The following R3HDM2 variants were observed in gnomAD, a reference collection of about 807,000 sequenced individuals.
R3HDM2 encodes the protein R3H domain-containing protein 2.
Under a neutral mutation model 124.5 loss-of-function variants are expected in R3HDM2, and 38 were observed. That is an observed-to-expected ratio of 0.31 (90% CI 0.24 to 0.40). The LOEUF is 0.40. Among genes scored for constraint, R3HDM2 ranks in the 10% least tolerant of loss-of-function variants. The probability of loss-of-function intolerance (pLI) is 1.00; values close to 1 mark genes in which losing one functional copy is unlikely to be tolerated. For missense variants in R3HDM2, 869 were observed against 1,236.9 expected (o/e 0.70, Z 4.46); for synonymous variants, 391 against 448.0 (o/e 0.87, Z 1.61).
At chr12:57,264,519 C>A (rs1174395221) in intron 19 of R3HDM2, among the ~76,000 whole-genome samples, 1 of 151,578 alleles carries the variant, frequency 6.6e-6, no homozygotes, top group Non-Finnish European at 1.5e-5. Flanking sequence ...TTGCAGTGAG[C>A]CGAGATTGCA....
In R3HDM2 at chr12:57,257,931, T is replaced by C. The variant is rs969936708; in HGVS notation, c.2449+59A>G. On this transcript the variant is annotated intron_variant, in intron 21 of 23. Coordinates refer to ENST00000402412, the MANE Select transcript of R3HDM2 (RefSeq NM_001394031.1). ...GTTGTTACTCTTTCAATCTCTGCAATTGGGAATGGGATGTGAAAGGTGAAT... is the reference window on the plus strand; with the variant it reads ...GTTGTTACTCTTTCAATCTCTGCAACTGGGAATGGGATGTGAAAGGTGAAT... 26 of 1,387,790 alleles carry C rather than the reference T, an allele frequency of 1.9e-5. No individual in the cohort carries two copies. The African/African-American group carries it at 3.1e-4, about 17-fold the overall frequency. 86.0% of individuals were successfully genotyped at this position (1,387,790 alleles called of 1,614,324 possible). A position where few individuals can be genotyped will look rare whatever the true frequency, so the allele number is the denominator to read the frequency against.
chr12:57,294,585 T>TTAATAA, intron 10 of R3HDM2, among the ~76,000 whole-genome samples: 1 of 152,134 alleles, frequency 6.6e-6, no homozygotes, highest in East Asian at 1.9e-4. Context: ...TAAGATATTA[T>TTAATAA]TATAGTTATT....
Position 57,289,259 on chromosome 12 carries a change from A to C in R3HDM2, c.907-219T>G, listed in dbSNP as rs147452391. Among the ~76,000 whole-genome samples the C allele has an allele frequency of 4.7e-4, 72 of 152,166 alleles. 1 individual carries two copies. Among genetic ancestry groups the C allele is most frequent in the Middle Eastern group, 6.8e-3 (2 of 294 alleles). On this transcript the variant is annotated intron_variant, in intron 11 of 23. Transcript: ENST00000402412. ...AACATCTGGTGGTTTTAGCCTTTGG[A>C]TAGGTGTTTAAAAAAAAGAGGCTGA...
At chr12:57,348,712 A>AG in intron 2 of R3HDM2, among the ~76,000 whole-genome samples, 1 of 43,760 alleles carries the variant, frequency 2.3e-5, no homozygotes, top group Non-Finnish European at 6.1e-5. Flanking sequence ...AAAAAAAAAA[A>AG]AAAAAAAAAG....
intron 2 of R3HDM2, among the ~76,000 whole-genome samples, chr12:57,322,012 G>A (rs1032466749): frequency 5.9e-5 from 9 of 152,162 alleles, no homozygotes; most frequent in Non-Finnish European, 1.2e-4. Context: ...GGCGGATCAC[G>A]AGGCCAGGAG....
chr12:57,291,408 C>T (rs920899318), intron 11 of R3HDM2, among the ~76,000 whole-genome samples: 2 of 151,930 alleles, frequency 1.3e-5, no homozygotes, highest in African/African-American at 4.8e-5. Context: ...GATCCCAGCA[C>T]TTTAGGAGGC....
intron 1 of R3HDM2, among the ~76,000 whole-genome samples, chr12:57,423,113 G>A (rs1325886531): frequency 2.0e-5 from 3 of 152,042 alleles, no homozygotes; most frequent in African/African-American, 7.2e-5. Context: ...AAACAACAGA[G>A]TAAGAAAAGG....
At chr12:57,285,446 AGTGTGTGT>A (rs34223001) in intron 12 of R3HDM2, among the ~76,000 whole-genome samples, 1 of 147,576 alleles carries the variant, frequency 6.8e-6, no homozygotes, top group African/African-American at 2.5e-5. Context: ...AGAGAGAGAG[AGTGTGTGT>A]GTGTGTGTGT....
chr12:57,355,417 C>T (rs1166692609), intron 2 of R3HDM2, among the ~76,000 whole-genome samples: 6 of 148,452 alleles, frequency 4.0e-5, no homozygotes, highest in Non-Finnish European at 5.9e-5. Context: ...TGAGATCGGG[C>T]CACTGCACTC....
intron 2 of R3HDM2, among the ~76,000 whole-genome samples, chr12:57,324,537 A>G (rs1344337882): frequency 6.6e-6 from 1 of 152,240 alleles, no homozygotes; most frequent in African/African-American, 2.4e-5. Flanking sequence ...AAATTAGACA[A>G]CAACCTGATT....
intron 1 of R3HDM2, among the ~76,000 whole-genome samples, chr12:57,406,198 G>A (rs1204415630): frequency 6.6e-6 from 1 of 151,756 alleles, no homozygotes; most frequent in African/African-American, 2.4e-5. Context: ...GCAGGCGCCT[G>A]TAATCCCAGC....
At chr12:57,385,211 C>A (rs1403879410) in intron 2 of R3HDM2, among the ~76,000 whole-genome samples, 1 of 150,982 alleles carries the variant, frequency 6.6e-6, no homozygotes, top group Non-Finnish European at 1.5e-5. Context: ...GGGACTCTGA[C>A]TTAAGATACA....
intron 2 of R3HDM2, among the ~76,000 whole-genome samples, chr12:57,319,498 A>C (rs745467538): frequency 6.7e-6 from 1 of 150,044 alleles, no homozygotes; most frequent in Non-Finnish European, 1.5e-5. Context: ...AAAGAGGCAA[A>C]ATTTACCTCT....
Position 57,314,207 on chromosome 12 carries a change from C to T in R3HDM2, c.-35-3744G>A, listed in dbSNP as rs528725423. 1.5e-4 allele frequency among the ~76,000 whole-genome samples: 22 copies of T among 149,902 alleles called. No individual in the cohort carries two copies. In the South Asian group the frequency reaches 4.0e-3, roughly 27 times the overall value. On this transcript the variant is annotated intron_variant, in intron 2 of 23. Coordinates refer to ENST00000402412, the MANE Select transcript of R3HDM2 (RefSeq NM_001394031.1). The stretch of plus-strand genomic sequence containing the variant: ...CCATCTCAAAAAAAAAAATCAGGCA[C>T]GGTAGCTCACGCCTGTAATCCCAGC...
chr12:57,255,209 G>A, intron 23 of R3HDM2, 96 bp from the exon 24 acceptor site: 1 of 1,009,406 alleles, frequency 9.9e-7, no homozygotes, highest in Non-Finnish European at 1.5e-6. Flanking sequence ...GACTAAGTCT[G>A]TATACAATGT....
At chr12:57,366,280 A>G (rs748274991) in intron 2 of R3HDM2, among the ~76,000 whole-genome samples, 1 of 152,028 alleles carries the variant, frequency 6.6e-6, no homozygotes, top group Non-Finnish European at 1.5e-5. Flanking sequence ...CTGGTTTCCC[A>G]AAGTGCTGGG....
intron 1 of R3HDM2, among the ~76,000 whole-genome samples, chr12:57,429,323 CAAGAAAAAA>C (rs773300012): frequency 1.3e-5 from 2 of 152,192 alleles, no homozygotes; most frequent in Admixed American, 6.5e-5. Flanking sequence ...ATCAGGCCTT[CAAGAAAAAA>C]GTTATCTTTT....
chr12:57,430,497 ACCGCCGCCCTCCGCC>A, intron 1 of R3HDM2: 7 of 381,594 alleles, frequency 1.8e-5, no homozygotes, highest in Non-Finnish European at 2.5e-5. Context: ...CTGCCCCCGC[ACCGCCGCCCTCCGCC>A]CCGCGCCCCC....
At position 57,332,504 on chromosome 12, in the gene R3HDM2, T is replaced by A. The variant is rs1442355511; in HGVS notation, c.-35-22041A>T. ...TCATGTTCTTTCTTTGATATCACACTGTTTTCTCAAAACGGTCTGCTGCTT... is the reference window on the plus strand; with the variant it reads ...TCATGTTCTTTCTTTGATATCACACAGTTTTCTCAAAACGGTCTGCTGCTT... On this transcript the variant is annotated intron_variant, in intron 2 of 23. Transcript: ENST00000402412. 2.0e-5 allele frequency among the ~76,000 whole-genome samples: 3 copies of A among 151,674 alleles called. No individual in the cohort carries two copies. In the East Asian group the frequency reaches 5.8e-4, roughly 29 times the overall value.
Sources: allele counts gnomAD v4.1 joint callset (sites outside exome capture counted in the v4.1 genomes callset), GRCh38; gene constraint gnomAD v4.1.1; transcripts MANE v1.5; gene names NCBI Gene and HGNC (gene_info 2026-07-23, HGNC 2026-07-21).